The following SHROOM3 variants were observed in gnomAD, a reference collection of about 807,000 sequenced individuals.
The protein encoded by SHROOM3 is shroom family member 3, also known as protein Shroom3.
Under a neutral mutation model 138.6 loss-of-function variants are expected in SHROOM3, and 47 were observed. The ratio of observed to expected loss-of-function variants is 0.34; its 90% CI spans 0.27 to 0.43. The LOEUF (loss-of-function observed/expected upper bound fraction) is 0.43, where lower values mean the gene tolerates loss of function less well. SHROOM3 is among the 20% of genes least tolerant of loss of function. SHROOM3 has a pLI of 1.00. For missense variants in SHROOM3, 2,491 were observed against 2,596.5 expected, an observed-to-expected ratio of 0.96 and a Z score of 0.88; for synonymous variants, 1,062 against 1,063.3, an observed-to-expected ratio of 1.00 and a Z score of 0.02.
chr4:76,556,357 T>C (rs1733484118), intron 2 of SHROOM3, among the ~76,000 whole-genome samples: 1 of 152,210 alleles, frequency 6.6e-6, no homozygotes. Flanking sequence ...GGAATTGAAT[T>C]ATTTTTTTGA....
intron 1 of SHROOM3, among the ~76,000 whole-genome samples, chr4:76,550,658 G>C (rs1733334139): frequency 1.3e-5 from 2 of 152,084 alleles, no homozygotes; most frequent in South Asian, 4.1e-4. Context: ...ATCAAAACAT[G>C]AAGTAGGGGC....
chr4:76,516,684 G>A (rs1732451257), intron 1 of SHROOM3, among the ~76,000 whole-genome samples: 1 of 151,968 alleles, frequency 6.6e-6, no homozygotes, highest in Non-Finnish European at 1.5e-5. Flanking sequence ...TACATCACCA[G>A]GGCAGTCCCT....
chr4:76,660,360 CATTT>C (rs1736156905), intron 2 of SHROOM3, among the ~76,000 whole-genome samples: 1 of 152,174 alleles, frequency 6.6e-6, no homozygotes, highest in Admixed American at 6.5e-5. Context: ...GGGGCTCATT[CATTT>C]GAGTTAACTC....
At chr4:76,759,045 C>T (rs1223221158) in intron 8 of SHROOM3, among the ~76,000 whole-genome samples, 1 of 152,158 alleles carries the variant, frequency 6.6e-6, no homozygotes, top group Non-Finnish European at 1.5e-5. Context: ...ATAGCAGGCA[C>T]ACTTGAGAAG....
At chr4:76,564,137 T>G (rs1193089550) in intron 2 of SHROOM3, among the ~76,000 whole-genome samples, 3 of 152,244 alleles carry the variant, frequency 2.0e-5, no homozygotes, top group Non-Finnish European at 4.4e-5. Context: ...TCACTCATCC[T>G]GGTCATCTGC....
intron 2 of SHROOM3, among the ~76,000 whole-genome samples, chr4:76,585,894 C>T (rs1422541633): frequency 6.6e-6 from 1 of 152,198 alleles, no homozygotes; most frequent in Non-Finnish European, 1.5e-5. Flanking sequence ...CCCGACTCGC[C>T]AGGGCTGGGA....
At chr4:76,676,491 T>C (rs1381633352) in intron 2 of SHROOM3, among the ~76,000 whole-genome samples, 2 of 152,134 alleles carry the variant, frequency 1.3e-5, no homozygotes, top group Non-Finnish European at 2.9e-5. Flanking sequence ...GATTGAATGA[T>C]GCAGTTTTGA....
rs1718642349 is a variant in SHROOM3 at position 76,664,595 on chromosome 4, G to A, written c.324-45561G>A. Among the ~76,000 whole-genome samples, 2 of 152,154 alleles carry A rather than the reference G, an allele frequency of 1.3e-5. No individual in the cohort carries two copies. Among genetic ancestry groups the A allele is most frequent in the African/African-American group, 4.8e-5 (2 of 41,422 alleles). ...TTTGAGGTTGGTCCTGGGCCTCTGG[G>A]TCTTTATGCTTTTGTTACTGTTGTA... On this transcript the variant is annotated intron_variant, in intron 2 of 10. Transcript: ENST00000296043. The surrounding 1 kb of genome is among the most constrained non-coding windows in gnomAD (Gnocchi z 4.2).
intron 1 of SHROOM3, among the ~76,000 whole-genome samples, chr4:76,552,315 C>T (rs2110027405): frequency 6.6e-6 from 1 of 150,850 alleles, no homozygotes; most frequent in East Asian, 1.9e-4. Context: ...AAGACCAGCC[C>T]AGGCAACACA....
At chr4:76,511,428 A>G (rs1347634391) in intron 1 of SHROOM3, among the ~76,000 whole-genome samples, 1 of 152,170 alleles carries the variant, frequency 6.6e-6, no homozygotes, top group Non-Finnish European at 1.5e-5. Flanking sequence ...TTATGCTTTT[A>G]TCGCTATAAT....
At chr4:76,674,004 C>G (rs1348578348) in intron 2 of SHROOM3, among the ~76,000 whole-genome samples, 1 of 152,120 alleles carries the variant, frequency 6.6e-6, no homozygotes, top group Non-Finnish European at 1.5e-5. Flanking sequence ...TCCCAAGTAG[C>G]TAGGATTACA....
chr4:76,548,629 G>A (rs1047875468), intron 1 of SHROOM3, among the ~76,000 whole-genome samples: 2 of 152,130 alleles, frequency 1.3e-5, no homozygotes, highest in African/African-American at 2.4e-5. Flanking sequence ...AATGTTTACC[G>A]ATCACTCATT....
At chr4:76,507,526 C>T (rs2110002936) in intron 1 of SHROOM3, among the ~76,000 whole-genome samples, 1 of 148,664 alleles carries the variant, frequency 6.7e-6, no homozygotes, top group South Asian at 2.1e-4. Flanking sequence ...CACTTTTGGT[C>T]ATTTGTATCT....
chr4:76,510,237 A>G (rs1486357887), intron 1 of SHROOM3, among the ~76,000 whole-genome samples: 5 of 152,240 alleles, frequency 3.3e-5, no homozygotes, highest in Non-Finnish European at 7.3e-5. Flanking sequence ...TCAATGTGCC[A>G]TAAAAATATT....
chr4:76,704,331 G>C (rs1185382499), intron 2 of SHROOM3, among the ~76,000 whole-genome samples: 1 of 152,218 alleles, frequency 6.6e-6, no homozygotes, highest in African/African-American at 2.4e-5. Context: ...CCCTGACCTG[G>C]CTGAGCTTAT....
At chr4:76,640,208 G>A (rs1004380808) in intron 2 of SHROOM3, among the ~76,000 whole-genome samples, 1 of 152,146 alleles carries the variant, frequency 6.6e-6, no homozygotes, top group Non-Finnish European at 1.5e-5. Flanking sequence ...GTGTCTTTGT[G>A]TGTGTGTCTA....
intron 2 of SHROOM3, chr4:76,639,668 G>A: frequency 2.5e-6 from 1 of 398,440 alleles, no homozygotes. Context: ...ATGGGCCTGT[G>A]TTTCCTATTA....
chr4:76,754,359 C>G lies in SHROOM3; in HGVS notation c.3876C>G (p.Phe1292Leu). The G allele has an allele frequency of 1.2e-6, 2 of 1,614,216 alleles. No homozygotes were observed. The stretch of plus-strand genomic sequence containing the variant: ...GCCAAGAAGAGATGCTGCCGCTCTT[C>G]CACCATCTCACCCCTCGTTGGGGTG... ...ERGQEEMLPLFHHLTPRWGGS... is the reference protein window; with the variant it reads ...ERGQEEMLPLLHHLTPRWGGS... Residue 1292 changes from phenylalanine (F) to leucine (L), a missense_variant, in exon 7 of 11, where the codon TTC becomes TTG. Physicochemically the swap from Phe to Leu is conservative, Grantham distance 22. Transcript: ENST00000296043.
At chr4:76,588,091 C>T (rs1467841921) in intron 2 of SHROOM3, among the ~76,000 whole-genome samples, 3 of 152,030 alleles carry the variant, frequency 2.0e-5, no homozygotes, top group Non-Finnish European at 4.4e-5. Flanking sequence ...TAAAAAGGTA[C>T]AGAAAGGAAG....
Sources: allele counts gnomAD v4.1 joint callset (sites outside exome capture counted in the v4.1 genomes callset), GRCh38; gene constraint gnomAD v4.1.1; non-coding constraint Gnocchi (gnomAD v3.1); transcripts MANE v1.5; gene names NCBI Gene and HGNC (gene_info 2026-07-23, HGNC 2026-07-21).